The following FAM53A variants were observed in gnomAD, a reference collection of about 807,000 sequenced individuals.
The protein encoded by FAM53A is family with sequence similarity 53 member A.
Under a neutral mutation model 26.6 loss-of-function variants are expected in FAM53A, and 28 were observed. The observed-to-expected ratio is 1.05, with a 90% CI of 0.78 to 1.45. FAM53A has a LOEUF of 1.45. Among genes scored for constraint, FAM53A ranks in the 40% most tolerant of loss-of-function variants. FAM53A has a pLI of 0.00. For missense variants in FAM53A, 650 were observed against 575.8 expected, an observed-to-expected ratio of 1.13 and a Z score of -1.32; for synonymous variants, 290 against 253.1, an observed-to-expected ratio of 1.15 and a Z score of -1.38.
chr4:1,670,155 C>T (rs923022740), intron 1 of FAM53A, among the ~76,000 whole-genome samples: 1 of 152,272 alleles, frequency 6.6e-6, no homozygotes, highest in Non-Finnish European at 1.5e-5. Flanking sequence ...AAGTTCACTA[C>T]ACCTGCCAGT....
At chr4:1,668,949 A>C in intron 1 of FAM53A, 44 bp from the exon 2 acceptor site, 1 of 521,604 alleles carries the variant, frequency 1.9e-6, no homozygotes. Flanking sequence ...TATACGCAAA[A>C]CCATTTTGTT....
intron 2 of FAM53A, among the ~76,000 whole-genome samples, chr4:1,660,199 C>T (rs908448696): frequency 6.6e-5 from 10 of 152,034 alleles, no homozygotes; most frequent in African/African-American, 2.2e-4. Context: ...AGGGGAATCG[C>T]GTGAACCCGG....
the FAM53A span, among the ~76,000 whole-genome samples, chr4:1,594,597 C>G: frequency 6.6e-6 from 1 of 152,210 alleles, no homozygotes; most frequent in Non-Finnish European, 1.5e-5. Flanking sequence ...AATCCCAGCA[C>G]TTTGGGAGAC....
intron 1 of FAM53A, among the ~76,000 whole-genome samples, chr4:1,675,091 A>G (rs946309305): frequency 6.6e-6 from 1 of 152,242 alleles, no homozygotes; most frequent in Non-Finnish European, 1.5e-5. Context: ...AGGCAGTGAC[A>G]TTGAAGCCAG....
chr4:1,578,442 G>A, the FAM53A span, among the ~76,000 whole-genome samples: 2 of 77,774 alleles, frequency 2.6e-5, no homozygotes, highest in East Asian at 2.8e-4. Context: ...GTGTGTAGAA[G>A]GGCGCGAGCG....
At chr4:1,680,382 T>C (rs959427836) in intron 1 of FAM53A, among the ~76,000 whole-genome samples, 41 of 141,614 alleles carry the variant, frequency 2.9e-4, no homozygotes, top group African/African-American at 9.5e-4. Flanking sequence ...ACACACCAAT[T>C]AGAATGTCCA....
Position 1,640,531 on chromosome 4 carries a change from G to C in FAM53A, c.*762C>G, listed in dbSNP as rs571758699. ...ATCCAAAATAGAGAAGCTTTCTCCCGAACTGCAAAAGCCATAAAAATGCAA... is the reference window on the plus strand; with the variant it reads ...ATCCAAAATAGAGAAGCTTTCTCCCCAACTGCAAAAGCCATAAAAATGCAA... On this transcript the variant is annotated 3_prime_UTR_variant, in exon 5 of 5. Coordinates refer to ENST00000308132, the MANE Select transcript of FAM53A (RefSeq NM_001174070.3). 6.4e-6 allele frequency: 2 copies of C among 314,216 alleles called. No homozygotes were observed. The highest frequency in any genetic ancestry group is 1.2e-5 in the Non-Finnish European group (2 of 166,710). The allele number at this position is 314,216 out of a possible 1,614,324, so 19.5% of individuals were successfully genotyped here.
At chr4:1,591,774 C>T in the FAM53A span, among the ~76,000 whole-genome samples, 1 of 152,110 alleles carries the variant, frequency 6.6e-6, no homozygotes, top group East Asian at 1.9e-4. Context: ...CAGAAGGAAA[C>T]CCAGAGACCC....
the FAM53A span, among the ~76,000 whole-genome samples, chr4:1,593,172 G>T: frequency 6.6e-6 from 1 of 152,208 alleles, no homozygotes; most frequent in Non-Finnish European, 1.5e-5. Flanking sequence ...GGGGCCGGGG[G>T]CATCTGAGCC....
intron 1 of FAM53A, among the ~76,000 whole-genome samples, chr4:1,623,525 G>A (rs1715145482): frequency 1.3e-5 from 2 of 152,222 alleles, no homozygotes; most frequent in South Asian, 2.1e-4. Flanking sequence ...GTCACCCGCT[G>A]CAGGGCTGCC....
At chr4:1,627,324 T>C (rs1715350347) in intron 1 of FAM53A, among the ~76,000 whole-genome samples, 2 of 152,210 alleles carry the variant, frequency 1.3e-5, no homozygotes, top group Admixed American at 1.3e-4. Context: ...TTGGTTGGTG[T>C]TTCTGTTCCC....
the FAM53A span, among the ~76,000 whole-genome samples, chr4:1,582,123 C>T: frequency 6.6e-6 from 1 of 152,196 alleles, no homozygotes; most frequent in African/African-American, 2.4e-5. Context: ...GGCAAACAGC[C>T]GAACCTTGTC....
the FAM53A span, among the ~76,000 whole-genome samples, chr4:1,605,923 C>G: frequency 1.3e-5 from 2 of 152,170 alleles, no homozygotes; most frequent in African/African-American, 4.8e-5. The surrounding 1 kb of genome is among the most constrained non-coding windows in gnomAD (Gnocchi z 5.7). Flanking sequence ...TTCCTGTCCT[C>G]TTTAGCCCAA....
chr4:1,588,168 G>C, the FAM53A span, among the ~76,000 whole-genome samples: 1 of 152,200 alleles, frequency 6.6e-6, no homozygotes, highest in Non-Finnish European at 1.5e-5. Flanking sequence ...TCTCCAAATA[G>C]GGTCTGGTGC....
chr4:1,653,874 G>C (rs990451841), intron 4 of FAM53A, among the ~76,000 whole-genome samples: 5 of 152,236 alleles, frequency 3.3e-5, no homozygotes, highest in Admixed American at 6.5e-5. Context: ...AGGTCGAGGA[G>C]GACCTGGGCC....
the FAM53A span, among the ~76,000 whole-genome samples, chr4:1,602,754 G>A: frequency 2.0e-5 from 3 of 152,140 alleles, no homozygotes; most frequent in South Asian, 2.1e-4. Flanking sequence ...CGGGTGTGAC[G>A]GTCCCGGAAC....
At chr4:1,631,724 G>A (rs778907567) in intron 1 of FAM53A, among the ~76,000 whole-genome samples, 5 of 152,104 alleles carry the variant, frequency 3.3e-5, no homozygotes, top group African/African-American at 9.7e-5. Flanking sequence ...CAGCAAACAC[G>A]TGGAATAAAC....
At chr4:1,587,659 G>A in the FAM53A span, among the ~76,000 whole-genome samples, 6 of 152,090 alleles carry the variant, frequency 3.9e-5, no homozygotes, top group African/African-American at 9.7e-5. Flanking sequence ...GTGACAGAGC[G>A]AGACTCTGCC....
intron 2 of FAM53A, among the ~76,000 whole-genome samples, chr4:1,663,131 A>C (rs1038756773): frequency 1.3e-5 from 2 of 151,794 alleles, no homozygotes; most frequent in Admixed American, 6.6e-5. Flanking sequence ...CCTGGGAGGC[A>C]GAGTGAGCCG....
Sources: allele counts gnomAD v4.1 joint callset (sites outside exome capture counted in the v4.1 genomes callset), GRCh38; gene constraint gnomAD v4.1.1; non-coding constraint Gnocchi (gnomAD v3.1); transcripts MANE v1.5; gene names NCBI Gene and HGNC (gene_info 2026-07-23, HGNC 2026-07-21).